CRACD: variants seen among roughly 807,000 people sequenced by gnomAD.
CRACD encodes the protein capping protein inhibiting regulator of actin dynamics, also known as capping protein-inhibiting regulator of actin dynamics.
In CRACD, 56 loss-of-function variants were observed where a neutral mutation model predicts 106.8. The observed-to-expected ratio is 0.52, with a 90% CI of 0.42 to 0.66. CRACD has a LOEUF of 0.66. CRACD is among the 30% of genes least tolerant of loss of function. CRACD has a pLI of 0.00. For synonymous variants in CRACD, 754 were observed against 670.8 expected, an observed-to-expected ratio of 1.12 and a Z score of -1.92; for missense variants, 1,730 against 1,623.2, an observed-to-expected ratio of 1.07 and a Z score of -1.13.
chr4:56,183,457 C>T (rs567151495), intron 2 of CRACD, among the ~76,000 whole-genome samples: 5 of 152,232 alleles, frequency 3.3e-5, no homozygotes, highest in South Asian at 2.1e-4. Context: ...GGACTGCACG[C>T]GAGAAAAGGA....
At chr4:56,100,251 G>T (rs376229418) in intron 1 of CRACD, among the ~76,000 whole-genome samples, 8 of 152,020 alleles carry the variant, frequency 5.3e-5, no homozygotes, top group Admixed American at 4.6e-4. Context: ...TTGCGGGGAC[G>T]GGGGGGAAGG....
chr4:56,158,423 C>A (rs1296557271), intron 1 of CRACD, among the ~76,000 whole-genome samples: 1 of 151,818 alleles, frequency 6.6e-6, no homozygotes, highest in Non-Finnish European at 1.5e-5. Context: ...AAGGAAAGAA[C>A]AAAGATCATC....
chr4:56,291,906 A>G (rs1205870715), intron 3 of CRACD, among the ~76,000 whole-genome samples: 1 of 152,258 alleles, frequency 6.6e-6, no homozygotes, highest in Non-Finnish European at 1.5e-5. Context: ...CTATAAAGAT[A>G]CCTGAAAATG....
intron 4 of CRACD, among the ~76,000 whole-genome samples, chr4:56,305,917 T>C (rs983833780): frequency 2.6e-5 from 4 of 152,210 alleles, no homozygotes; most frequent in East Asian, 1.9e-4. Context: ...GGGAACATCA[T>C]TGAAGTATTA....
chr4:56,315,513 A>G lies in CRACD; in HGVS notation c.2011A>G (p.Ile671Val). 13 of 1,613,914 alleles carry G rather than the reference A, an allele frequency of 8.1e-6. No individual in the cohort carries two copies. Among genetic ancestry groups the G allele is most frequent in the Middle Eastern group, 1.6e-4 (1 of 6,062 alleles). ...GTCCGCACTCGCAGAATGGGCTTCCATTCGGTCCAGAATCCTGAAGAACGC... is the reference window on the plus strand; with the variant it reads ...GTCCGCACTCGCAGAATGGGCTTCCGTTCGGTCCAGAATCCTGAAGAACGC... ...SASALAEWAS[I>V]RSRILKNAES... Residue 671 changes from isoleucine to valine, a missense_variant, in exon 8 of 11, where the codon ATT becomes GTT. Around this residue, in one of 5 missense-constraint regions of CRACD, gnomAD observed 1,620 missense variants for 1,481.6 expected, o/e 1.09. Transcript: ENST00000682029. This position sits in a 1 kb window ranked among gnomAD's most constrained non-coding sequence, Gnocchi z 4.1.
intron 3 of CRACD, among the ~76,000 whole-genome samples, chr4:56,278,985 G>T (rs530765381): frequency 6.6e-6 from 1 of 152,276 alleles, no homozygotes; most frequent in East Asian, 1.9e-4. Flanking sequence ...AAAAAAGATA[G>T]ACAGTAACAA....
intron 3 of CRACD, among the ~76,000 whole-genome samples, chr4:56,277,708 A>G (rs1459558146): frequency 2.0e-5 from 3 of 152,194 alleles, no homozygotes; most frequent in Non-Finnish European, 4.4e-5. Flanking sequence ...TCTTAGGAAG[A>G]AGTAAAACTG....
At chr4:56,207,392 CAT>C (rs1290880809) in intron 2 of CRACD, among the ~76,000 whole-genome samples, 4 of 152,178 alleles carry the variant, frequency 2.6e-5, no homozygotes, top group African/African-American at 7.2e-5. Flanking sequence ...AGAGACCTAA[CAT>C]GTGCTGCCTA....
At chr4:56,249,863 G>A (rs565604600) in intron 2 of CRACD, among the ~76,000 whole-genome samples, 1 of 152,172 alleles carries the variant, frequency 6.6e-6, no homozygotes, top group African/African-American at 2.4e-5. Flanking sequence ...TACTGCCTTT[G>A]TATCTGATTT....
At chr4:56,259,963 A>C (rs1180565587) in intron 2 of CRACD, among the ~76,000 whole-genome samples, 1 of 152,188 alleles carries the variant, frequency 6.6e-6, no homozygotes, top group Non-Finnish European at 1.5e-5. Context: ...GAGGATGACT[A>C]ATGGCCCAGA....
At chr4:56,327,503 A>G (rs1746526389) in intron 10 of CRACD, 141 bp from the exon 11 acceptor site, 1 of 693,632 alleles carries the variant, frequency 1.4e-6, no homozygotes, top group Admixed American at 2.8e-5. Flanking sequence ...TTCACAATGT[A>G]TACATATTTC....
intron 1 of CRACD, among the ~76,000 whole-genome samples, chr4:56,080,319 AT>A (rs1188816783): frequency 2.0e-5 from 3 of 152,082 alleles, no homozygotes; most frequent in African/African-American, 7.2e-5. Flanking sequence ...ATAAAACGGT[AT>A]TTTTTTTCCA....
At chr4:56,266,434 C>A (rs563928731) in intron 2 of CRACD, among the ~76,000 whole-genome samples, 122 of 152,280 alleles carry the variant, frequency 8.0e-4, no homozygotes, top group African/African-American at 2.9e-3. Context: ...AGTAACATTT[C>A]TTCCCTCCTG....
rs138150432 is a variant in CRACD at position 56,282,005 on chromosome 4, C to T, written c.-17+9513C>T. Among the ~76,000 whole-genome samples, 87 of 152,254 alleles carry T rather than the reference C, an allele frequency of 5.7e-4. 1 individual carries two copies. The highest frequency in any genetic ancestry group is 3.4e-3 in the Middle Eastern group (1 of 292). On this transcript the variant is annotated intron_variant, in intron 3 of 10. Coordinates refer to ENST00000682029, the MANE Select transcript of CRACD (RefSeq NM_001393381.1). ...AAATAGCGTATATTTTGATAGAATA[C>T]GGAAGTTCAGGATGAGCCTCTAAGT...
intron 1 of CRACD, among the ~76,000 whole-genome samples, chr4:56,083,142 C>T (rs1422241823): frequency 6.6e-6 from 1 of 152,092 alleles, no homozygotes; most frequent in African/African-American, 2.4e-5. Context: ...TTATAATTAA[C>T]TATGGAGTGA....
chr4:56,302,508 C>T (rs956803095), intron 4 of CRACD, among the ~76,000 whole-genome samples: 3 of 152,198 alleles, frequency 2.0e-5, no homozygotes, highest in African/African-American at 7.2e-5. Context: ...TCCCACCGAG[C>T]TGGATTTCAC....
chr4:56,130,685 AG>A (rs1466864076), intron 1 of CRACD, among the ~76,000 whole-genome samples: 5 of 152,190 alleles, frequency 3.3e-5, no homozygotes, highest in African/African-American at 1.2e-4. Context: ...CTAGTTGGTT[AG>A]TACACAATGC....
chr4:56,195,389 T>C (rs1050504277), intron 2 of CRACD, among the ~76,000 whole-genome samples: 3 of 152,058 alleles, frequency 2.0e-5, no homozygotes, highest in Non-Finnish European at 4.4e-5. Context: ...GAAATGCAGA[T>C]AAATGAATGC....
intron 2 of CRACD, among the ~76,000 whole-genome samples, chr4:56,270,409 G>A (rs998037468): frequency 6.6e-6 from 1 of 152,036 alleles, no homozygotes; most frequent in Non-Finnish European, 1.5e-5. Context: ...AGATCACAGA[G>A]GAAATGAGAC....
Sources: allele counts gnomAD v4.1 joint callset (sites outside exome capture counted in the v4.1 genomes callset), GRCh38; gene constraint gnomAD v4.1.1; regional missense constraint gnomAD v4.1.1; non-coding constraint Gnocchi (gnomAD v3.1); transcripts MANE v1.5; gene names NCBI Gene and HGNC (gene_info 2026-07-23, HGNC 2026-07-21).